The following PPP1R12A variants were observed in gnomAD, a reference collection of about 807,000 sequenced individuals.
PPP1R12A encodes the protein myosin binding subunit.
A neutral mutation model predicts 139.6 loss-of-function variants in PPP1R12A; 19 were observed. That is an observed-to-expected ratio of 0.14 (90% CI 0.09 to 0.20). The LOEUF (loss-of-function observed/expected upper bound fraction) is 0.20. Among genes scored for constraint, PPP1R12A ranks in the 10% least tolerant of loss-of-function variants. The pLI, the probability that PPP1R12A is intolerant of heterozygous loss-of-function variation, is 1.00. For synonymous variants in PPP1R12A, 427 were observed against 420.6 expected, an observed-to-expected ratio of 1.02 and a Z score of -0.19; for missense variants, 925 against 1,211.5, an observed-to-expected ratio of 0.76 and a Z score of 3.51.
chr12:79,857,792 T>C (rs967155083), intron 2 of PPP1R12A, among the ~76,000 whole-genome samples: 5 of 152,006 alleles, frequency 3.3e-5, no homozygotes, highest in African/African-American at 7.2e-5. Context: ...CATTTTCAAA[T>C]CTCATAGTGC....
chr12:79,809,947 T>G lies in PPP1R12A; in HGVS notation c.1303A>C (p.Thr435Pro). 6.2e-7 allele frequency: 1 copy of G among 1,613,690 alleles called. No individual in the cohort carries two copies. Among genetic ancestry groups the G allele is most frequent in the Non-Finnish European group, 8.5e-7 (1 of 1,179,740 alleles). Residue 435 changes from threonine (T) to proline (P), a missense_variant, in exon 10 of 25, where the codon ACT (threonine) becomes CCT (proline). Around this residue, in one of 4 missense-constraint regions of PPP1R12A, gnomAD observed 403 missense variants for 463.7 expected, o/e 0.87. Coordinates refer to ENST00000450142, the MANE Select transcript of PPP1R12A (RefSeq NM_002480.3). ...GTCTTTCTAAGTCCTAACCTCCAAGTTGCAGGAGACTCATCTTTTCTCTCT... is the reference window on the plus strand; with the variant it reads ...GTCTTTCTAAGTCCTAACCTCCAAGGTGCAGGAGACTCATCTTTTCTCTCT... ...EEERKDESPATWRLGLRKTGS... is the reference protein window; with the variant it reads ...EEERKDESPAPWRLGLRKTGS...
rs73138636 is a variant in PPP1R12A at position 79,830,341 on chromosome 12, T to C, written c.648-1877A>G. On this transcript the variant is annotated intron_variant, in intron 4 of 24. Transcript: ENST00000450142. The stretch of plus-strand genomic sequence containing the variant: ...ATAATATACCCTAGTGTTCTTTCTA[T>C]AACAGTATGTAAGGAGATTTCTCAT... Among the ~76,000 whole-genome samples the C allele has an allele frequency of 9.6e-3, 1,468 of 152,332 alleles. 19 individuals carry two copies. Among genetic ancestry groups the C allele is most frequent in the Non-Finnish European group, 0.011 (764 of 68,016 alleles).
chr12:79,883,084 C>T (rs1479189630), intron 1 of PPP1R12A, among the ~76,000 whole-genome samples: 1 of 152,084 alleles, frequency 6.6e-6, no homozygotes, highest in South Asian at 2.1e-4. Context: ...TTACAGTGAG[C>T]CAAGATTGTG....
rs143837556 is a variant in PPP1R12A, at chr12:79,876,471, C to T, written c.238-3533G>A. On this transcript the variant is annotated intron_variant, in intron 1 of 24. Transcript: ENST00000450142. ...GATTAAGTAGCTTGAATAAGTCACA[C>T]AGACAGGAAATGATAGGGCTGGGAA... Among the ~76,000 whole-genome samples, 745 of 152,202 alleles carry T rather than the reference C, an allele frequency of 4.9e-3. 1 individual carries two copies. Among genetic ancestry groups the T allele is most frequent in the Non-Finnish European group, 8.0e-3 (542 of 68,008 alleles).
intron 2 of PPP1R12A, among the ~76,000 whole-genome samples, chr12:79,865,012 C>CA (rs1290294873): frequency 6.6e-6 from 1 of 151,964 alleles, no homozygotes; most frequent in East Asian, 1.9e-4. Flanking sequence ...AGAGACACAA[C>CA]AAAAAAAGAG....
intron 3 of PPP1R12A, among the ~76,000 whole-genome samples, chr12:79,839,722 C>A (rs1290718853): frequency 6.6e-6 from 1 of 152,150 alleles, no homozygotes; most frequent in African/African-American, 2.4e-5. Context: ...GTCATGACTG[C>A]ATGATTGTAA....
chr12:79,890,940 C>T (rs1230538730), intron 1 of PPP1R12A, among the ~76,000 whole-genome samples: 1 of 149,908 alleles, frequency 6.7e-6, no homozygotes. Context: ...CACACACACA[C>T]ACATTCACTC....
intron 24 of PPP1R12A, among the ~76,000 whole-genome samples, chr12:79,776,870 C>T (rs374783325): frequency 6.6e-6 from 1 of 152,076 alleles, no homozygotes; most frequent in Non-Finnish European, 1.5e-5. Flanking sequence ...CCAAAATAGT[C>T]CTCTTTCCTC....
chr12:79,812,391 C>CGTGTGTGTGTGTGTGTGTGTGTGTGT (rs1156924649), intron 9 of PPP1R12A, among the ~76,000 whole-genome samples: 17 of 134,610 alleles, frequency 1.3e-4, no homozygotes, highest in African/African-American at 4.8e-4. Context: ...TCTGTGTGTG[C>CGTGTGTGTGTGTGTGTGTGTGTGTGT]GTGTGTGTGT....
At chr12:79,832,251 T>C in intron 4 of PPP1R12A, 81 bp downstream of exon 4, 1 of 1,325,226 alleles carries the variant, frequency 7.5e-7, no homozygotes, top group Admixed American at 2.5e-5. Context: ...CAAAATAACG[T>C]TTGCAGGTAT....
intron 1 of PPP1R12A, among the ~76,000 whole-genome samples, chr12:79,900,189 C>T (rs1175239584): frequency 1.3e-5 from 2 of 152,182 alleles, no homozygotes; most frequent in Non-Finnish European, 2.9e-5. Flanking sequence ...AAATGCAGAT[C>T]TGTGAAATAA....
In PPP1R12A at chr12:79,806,253, G is replaced by A; in HGVS notation, c.1736C>T (p.Ala579Val). 6.2e-7 allele frequency: 1 copy of A among 1,613,728 alleles called. No individual in the cohort carries two copies. The highest frequency in any genetic ancestry group is 8.5e-7 in the Non-Finnish European group (1 of 1,179,632). The change falls in exon 13 of 25, where the codon GCA becomes GTA. Residue 579 changes from alanine to valine, a missense_variant. By Grantham distance (64) the Ala-to-Val change is moderately conservative. This residue lies in a region of PPP1R12A where 403 missense variants were observed against 463.7 expected (regional missense o/e 0.87). Transcript: ENST00000450142. ...AAGCAGGCTTTTCTGAAGCCCAGCT[G>A]CAGAGGTAACTGTTGGTGTTGATGT... Reference protein sequence around the residue: ...STTSTPTVTSAAGLQKSLLSS... With the variant: ...STTSTPTVTSVAGLQKSLLSS...
intron 9 of PPP1R12A, among the ~76,000 whole-genome samples, chr12:79,814,764 G>A (rs528878672): frequency 1.2e-3 from 156 of 127,054 alleles, no homozygotes; most frequent in African/African-American, 4.5e-3. Context: ...GCAGTGAGCC[G>A]AGATTGCGCC....
At chr12:79,877,483 T>C (rs1883219819) in intron 1 of PPP1R12A, among the ~76,000 whole-genome samples, 1 of 152,196 alleles carries the variant, frequency 6.6e-6, no homozygotes, top group Admixed American at 6.5e-5. Flanking sequence ...GTGACTTGCA[T>C]AATCATTCAC....
rs1256403345 is a variant in PPP1R12A at position 79,809,854 on chromosome 12, C to T, written c.1396G>A (p.Gly466Ser). 6.2e-7 allele frequency: 1 copy of T among 1,613,478 alleles called. No homozygotes were observed. The highest frequency in any genetic ancestry group is 1.7e-5 in the Admixed American group (1 of 59,940). Residue 466 changes from glycine to serine, a missense_variant, in exon 10 of 25, where the codon GGT becomes AGT. Transcript: ENST00000450142. The part of the protein sequence containing the change: ...KEGQKEKDTA[G>S]VTRSASSPRL... ...GGACTTGAAGCTGAACGTGTAACAC[C>T]TGCAGTATCTTTTTCTTTCTGACCC...
In PPP1R12A at chr12:79,801,596, G is replaced by C. The variant is rs545324734; in HGVS notation, c.2001-3012C>G. On this transcript the variant is annotated intron_variant, in intron 14 of 24. Transcript: ENST00000450142. The stretch of plus-strand genomic sequence containing the variant: ...CCATTTTTTCAAAACTCCTTTTAGA[G>C]AGCCCTCATTCTTTTTATATATATA... 3.3e-5 allele frequency among the ~76,000 whole-genome samples: 5 copies of C among 151,806 alleles called. No individual in the cohort carries two copies. The South Asian group carries it at 1.0e-3, about 32-fold the overall frequency.
chr12:79,806,005 C>T (rs1394829899), intron 13 of PPP1R12A, among the ~76,000 whole-genome samples, 161 bp downstream of exon 13: 1 of 152,144 alleles, frequency 6.6e-6, no homozygotes, highest in Non-Finnish European at 1.5e-5. Context: ...AAATTTCCCC[C>T]AGACATGCAT....
intron 1 of PPP1R12A, among the ~76,000 whole-genome samples, chr12:79,909,238 A>C (rs2137515574): frequency 6.6e-6 from 1 of 152,316 alleles, no homozygotes; most frequent in South Asian, 2.1e-4. Context: ...ATAATACCTC[A>C]TATGATTAAT....
rs567926546 is a variant in PPP1R12A, at chr12:79,882,849, C to T, written c.238-9911G>A. 3.9e-5 allele frequency among the ~76,000 whole-genome samples: 6 copies of T among 152,182 alleles called. No individual in the cohort carries two copies. The East Asian group carries it at 1.2e-3, about 29-fold the overall frequency. On this transcript the variant is annotated intron_variant, in intron 1 of 24. Coordinates refer to ENST00000450142, the MANE Select transcript of PPP1R12A (RefSeq NM_002480.3). ...CAGCAGCCAACATCAAGTCAAGACCCTCCACTAGGCCAGGCGCGGTGGCTC... is the reference window on the plus strand; with the variant it reads ...CAGCAGCCAACATCAAGTCAAGACCTTCCACTAGGCCAGGCGCGGTGGCTC...
Sources: gnomAD v4.1 joint callset for allele counts (sites outside exome capture counted in the v4.1 genomes callset) on GRCh38, gnomAD v4.1.1 for gene constraint, gnomAD v4.1.1 regional missense constraint, MANE v1.5 for transcripts, NCBI Gene and HGNC (gene_info 2026-07-23, HGNC 2026-07-21) for gene names.